Variants in CNPY1 observed in about 807,000 individuals in gnomAD.
CNPY1 encodes protein canopy homolog 1.
A neutral mutation model predicts 14.4 loss-of-function variants in CNPY1; 14 were observed. The observed-to-expected ratio is 0.97, with a 90% CI of 0.64 to 1.52. CNPY1 has a LOEUF of 1.52. CNPY1 is among the 40% of genes most tolerant of loss of function. The pLI is 0.00. For missense variants in CNPY1, 129 were observed against 131.5 expected, an observed-to-expected ratio of 0.98 and a Z score of 0.09; for synonymous variants, 43 against 46.5, an observed-to-expected ratio of 0.92 and a Z score of 0.31.
chr7:155,526,123 A>C (rs927737302), intron 2 of CNPY1, among the ~76,000 whole-genome samples: 2 of 152,208 alleles, frequency 1.3e-5, no homozygotes, highest in Admixed American at 6.5e-5. Context: ...TGCTATCAAA[A>C]TACTTTTGAT....
intron 4 of CNPY1, chr7:155,506,573 A>G (rs1796317925): frequency 7.2e-6 from 1 of 138,602 alleles, no homozygotes; most frequent in Non-Finnish European, 1.4e-5. Context: ...ACAAACAAAC[A>G]AACAAAAAAA....
chr7:155,529,685 C>T (rs1297700604), intron 2 of CNPY1, among the ~76,000 whole-genome samples: 2 of 152,198 alleles, frequency 1.3e-5, no homozygotes, highest in East Asian at 3.8e-4. Flanking sequence ...GGCCCTGCCC[C>T]ACCCCACCCT....
chr7:155,540,060 C>T (rs1029812188), intron 2 of CNPY1, among the ~76,000 whole-genome samples: 1 of 152,160 alleles, frequency 6.6e-6, no homozygotes, highest in Non-Finnish European at 1.5e-5. Context: ...GACCTTTAGG[C>T]TTTTCTCTCC....
At chr7:155,506,504 A>G (rs1796313765) in intron 4 of CNPY1, 1 of 153,754 alleles carries the variant, frequency 6.5e-6, no homozygotes, top group Admixed American at 6.5e-5. Flanking sequence ...AATTTTTTTT[A>G]AGAAGTAGAT....
chr7:155,523,089 C>A (rs2116720227), intron 2 of CNPY1, among the ~76,000 whole-genome samples: 1 of 152,244 alleles, frequency 6.6e-6, no homozygotes, highest in South Asian at 2.1e-4. Context: ...GAATAAGGAG[C>A]AATTAACAGG....
At chr7:155,514,843 G>A (rs148833728) in intron 2 of CNPY1, among the ~76,000 whole-genome samples, 6,143 of 152,158 alleles carry the variant, frequency 0.04, 409 homozygotes, top group African/African-American at 0.14. Flanking sequence ...GCGGTGAGCC[G>A]AGATCGCGCC....
chr7:155,532,338 A>C (rs766635483), intron 2 of CNPY1, among the ~76,000 whole-genome samples: 35 of 152,260 alleles, frequency 2.3e-4, no homozygotes, highest in East Asian at 5.8e-4. Context: ...AGGACCCCAG[A>C]TGGGCCCGGG....
At chr7:155,521,426 C>T (rs1796722312) in intron 2 of CNPY1, among the ~76,000 whole-genome samples, 1 of 152,216 alleles carries the variant, frequency 6.6e-6, no homozygotes, top group African/African-American at 2.4e-5. Context: ...ACGCTAAGAT[C>T]CCCTTGCTTG....
intron 2 of CNPY1, among the ~76,000 whole-genome samples, chr7:155,537,203 A>C (rs1267253900): frequency 6.6e-6 from 1 of 152,160 alleles, no homozygotes; most frequent in Non-Finnish European, 1.5e-5. Flanking sequence ...GAGTTATGGA[A>C]AGAAGAGAGA....
chr7:155,516,638 C>T (rs565061813), intron 2 of CNPY1, among the ~76,000 whole-genome samples: 15 of 152,298 alleles, frequency 9.8e-5, no homozygotes, highest in Non-Finnish European at 1.2e-4. Context: ...GCCTCCAGAA[C>T]GCTGGGTCAC....
intron 2 of CNPY1, among the ~76,000 whole-genome samples, chr7:155,540,243 T>C (rs1344120616): frequency 1.3e-5 from 2 of 152,246 alleles, no homozygotes; most frequent in African/African-American, 2.4e-5. Flanking sequence ...TCCAGAATTC[T>C]GAGACAGCTT....
chr7:155,510,796 TTAAC>T (rs1455415847), intron 2 of CNPY1, among the ~76,000 whole-genome samples: 3 of 152,218 alleles, frequency 2.0e-5, no homozygotes, highest in Non-Finnish European at 4.4e-5. Context: ...AATACGTAGA[TTAAC>T]AAACAAAACT....
intron 2 of CNPY1, among the ~76,000 whole-genome samples, chr7:155,527,030 T>TTTCTTTCTTTCTTTC (rs1563093262): frequency 1.2e-5 from 1 of 83,272 alleles, no homozygotes; most frequent in South Asian, 4.9e-4. Flanking sequence ...TTCTTTTCTT[T>TTTCTTTCTTTCTTTC]TTTCTTTCTT....
intron 2 of CNPY1, among the ~76,000 whole-genome samples, chr7:155,535,573 TATC>T (rs1442552654): frequency 2.0e-5 from 3 of 152,278 alleles, no homozygotes; most frequent in Admixed American, 6.5e-5. Context: ...ACAGAGCACA[TATC>T]ATGAGACAGG....
At chr7:155,519,259 C>T (rs546817720) in intron 2 of CNPY1, among the ~76,000 whole-genome samples, 34 of 152,182 alleles carry the variant, frequency 2.2e-4, no homozygotes, top group African/African-American at 7.2e-4. Flanking sequence ...TGTAGTGGCT[C>T]GTGCCTGTAA....
At position 155,545,876 on chromosome 7, in the gene CNPY1, C is replaced by T. The variant is rs532460088; in HGVS notation, c.54G>A (p.Val18=). Residue 18 remains valine (V), a synonymous_variant, in exon 2 of 5, where the codon GTG becomes GTA. Coordinates refer to ENST00000636446, the MANE Select transcript of CNPY1 (RefSeq NM_001393663.1). ...ITKARQKKTK[V]GSFRINPDGT... ...CATCGGGATTGATTCGGAAGGATCC[C>T]ACCTTGGTCTTCTTCTGCCGAGCCT... 2.8e-5 allele frequency: 11 copies of T among 398,698 alleles called. No individual in the cohort carries two copies. The highest frequency in any genetic ancestry group is 2.3e-4 in the African/African-American group (11 of 48,766). The allele number at this position is 398,698 out of a possible 1,614,324, so 24.7% of individuals were successfully genotyped here.
intron 2 of CNPY1, among the ~76,000 whole-genome samples, chr7:155,535,637 G>A (rs190102981): frequency 6.6e-5 from 10 of 152,238 alleles, no homozygotes; most frequent in Admixed American, 1.3e-4. Context: ...GCCTACACAC[G>A]AGGCCTGATT....
intron 2 of CNPY1, among the ~76,000 whole-genome samples, chr7:155,519,110 C>T (rs1170808090): frequency 6.6e-6 from 1 of 152,192 alleles, no homozygotes; most frequent in Non-Finnish European, 1.5e-5. Flanking sequence ...CATCAGCGAA[C>T]ACCTGGAGTG....
chr7:155,546,205 G>A (rs1162765788), intron 1 of CNPY1, among the ~76,000 whole-genome samples: 6 of 118,584 alleles, frequency 5.1e-5, no homozygotes, highest in African/African-American at 1.5e-4. Context: ...TTTTTTTTTT[G>A]AGACAGGGTC....
Sources: allele counts gnomAD v4.1 joint callset (sites outside exome capture counted in the v4.1 genomes callset), GRCh38; gene constraint gnomAD v4.1.1; transcripts MANE v1.5; gene names NCBI Gene and HGNC (gene_info 2026-07-23, HGNC 2026-07-21).